Variants in CPXM1 observed in about 807,000 individuals in gnomAD.
The protein encoded by CPXM1 is carboxypeptidase X, M14 family member 1.
A neutral mutation model predicts 80.4 loss-of-function variants in CPXM1; 72 were observed. The observed-to-expected ratio is 0.90, with a 90% CI of 0.74 to 1.09. The LOEUF is 1.09. Ranked by LOEUF, CPXM1 falls within the 50% of genes least tolerant of loss-of-function variation. The pLI is 0.00. For missense variants in CPXM1, 892 were observed against 999.4 expected (o/e 0.89, Z 1.45); for synonymous variants, 403 against 405.6 (o/e 0.99, Z 0.08).
chr20:2,796,428 C>T lies in CPXM1; in HGVS notation c.1061G>A (p.Arg354His). 3 of 1,613,962 alleles carry T rather than the reference C, an allele frequency of 1.9e-6. No individual in the cohort carries two copies. The highest frequency in any genetic ancestry group is 2.2e-5 in the East Asian group (1 of 44,874). Reference sequence around the variant, plus strand: ...GTTCCCATGCATGCCAGCCACGTAGCGCACCTCAGGCTCCCCTGGGGACAC... The same window carrying T: ...GTTCCCATGCATGCCAGCCACGTAGTGCACCTCAGGCTCCCCTGGGGACAC... ...GEHELGEPEV[R>H]YVAGMHGNEA... Residue 354 changes from arginine (R) to histidine (H), a missense_variant, in exon 9 of 14, where the codon CGC (arginine) becomes CAC (histidine). Coordinates refer to ENST00000380605, the MANE Select transcript of CPXM1 (RefSeq NM_019609.5). The surrounding 1 kb of genome is among the most constrained non-coding windows in gnomAD (Gnocchi z 6.8).
Position 2,794,786 on chromosome 20 carries a change from A to G in CPXM1, c.1861-147T>C. On this transcript the variant is annotated intron_variant, in intron 12 of 13. Coordinates refer to ENST00000380605, the MANE Select transcript of CPXM1 (RefSeq NM_019609.5). This position sits in a 1 kb window ranked among gnomAD's most constrained non-coding sequence, Gnocchi z 5.2. ...GTGACACTACTTCTGGAAGAAAAAA[A>G]AAAAAGAAATCCTGATTGACAAATC... is the stretch of plus-strand genomic sequence containing the variant. 1 of 618,820 alleles carries G rather than the reference A, an allele frequency of 1.6e-6. No individual in the cohort carries two copies. Among genetic ancestry groups the G allele is most frequent in the Non-Finnish European group, 2.9e-6 (1 of 350,698 alleles). 38.3% of individuals were successfully genotyped at this position (618,820 alleles called of 1,614,324 possible).
At position 2,800,448 on chromosome 20, in the gene CPXM1, G is replaced by C. The variant is rs1330051345; in HGVS notation, c.125C>G (p.Pro42Arg). ...PGTTKVPGST[P>R]ALHSSPAQPP... ...CTGTGCCGGGCTGCTATGCAGGGCC[G>C]GGGTCGAGCCTGGGACCTTGGTGGT... is the stretch of plus-strand genomic sequence containing the variant. The change falls in exon 1 of 14, where the codon CCG (proline) becomes CGG (arginine). Residue 42 changes from proline to arginine, a missense_variant. Around this residue, in one of 2 missense-constraint regions of CPXM1, gnomAD observed 874 missense variants for 958.4 expected, o/e 0.91. Transcript: ENST00000380605. 4 of 1,507,290 alleles carry C rather than the reference G, an allele frequency of 2.7e-6. No homozygotes were observed. Among genetic ancestry groups the C allele is most frequent in the Non-Finnish European group, 2.6e-6 (3 of 1,135,550 alleles). The allele number at this position is 1,507,290 out of a possible 1,614,324, so 93.4% of individuals were successfully genotyped here. A position where few individuals can be genotyped will look rare whatever the true frequency, so the allele number is the denominator to read the frequency against.
At chr20:2,799,039 C>CA in intron 1 of CPXM1, 146 bp from the exon 2 acceptor site, 1 of 754,694 alleles carries the variant, frequency 1.3e-6, no homozygotes, top group South Asian at 1.8e-5. Context: ...CAAAGGCCTG[C>CA]AATCTGACCC....
At position 2,795,096 on chromosome 20, in the gene CPXM1, C is replaced by T. The variant is rs2088491000; in HGVS notation, c.1860+181G>A. Among the ~76,000 whole-genome samples the T allele has an allele frequency of 2.0e-5, 3 of 152,156 alleles. No homozygotes were observed. Among genetic ancestry groups the T allele is most frequent in the African/African-American group, 7.2e-5 (3 of 41,410 alleles). ...CCGGCTCTAACACGATGCCACGCTG[C>T]CAGCAAACTGCACTTCCTGTCCTGT... On this transcript the variant is annotated intron_variant, in intron 12 of 13. Coordinates refer to ENST00000380605, the MANE Select transcript of CPXM1 (RefSeq NM_019609.5). This position sits in a 1 kb window ranked among gnomAD's most constrained non-coding sequence, Gnocchi z 5.4.
rs927009117 is a variant in CPXM1, at chr20:2,794,748, A to C, written c.1861-109T>G. ...CAAACCTGAGCAAAGTGGTAGGTCTACTGTGTTCCTAGGTGACACTACTTC... is the reference window on the plus strand; with the variant it reads ...CAAACCTGAGCAAAGTGGTAGGTCTCCTGTGTTCCTAGGTGACACTACTTC... On this transcript the variant is annotated intron_variant, in intron 12 of 13. Transcript: ENST00000380605. The surrounding 1 kb of genome is among the most constrained non-coding windows in gnomAD (Gnocchi z 5.2). The C allele has an allele frequency of 9.2e-6, 7 of 764,674 alleles. No individual in the cohort carries two copies. Among genetic ancestry groups the C allele is most frequent in the Non-Finnish European group, 1.6e-5 (7 of 450,106 alleles). 47.4% of individuals were successfully genotyped at this position (764,674 alleles called of 1,614,324 possible). A position where few individuals can be genotyped will look rare whatever the true frequency, so the allele number is the denominator to read the frequency against.
Position 2,795,132 on chromosome 20 carries a change from G to C in CPXM1, c.1860+145C>G. Reference sequence around the variant, plus strand: ...CACTTCCTGTCCTGTGTGCTTCCAAGACAATCTGATACCAAGCATGGCCCA... The same window carrying C: ...CACTTCCTGTCCTGTGTGCTTCCAACACAATCTGATACCAAGCATGGCCCA... On this transcript the variant is annotated intron_variant, in intron 12 of 13. Transcript: ENST00000380605. The surrounding 1 kb of genome is among the most constrained non-coding windows in gnomAD (Gnocchi z 5.4). The C allele has an allele frequency of 9.7e-7, 1 of 1,033,354 alleles. No homozygotes were observed. Among genetic ancestry groups the C allele is most frequent in the Middle Eastern group, 3.2e-4 (1 of 3,082 alleles). 64.0% of individuals were successfully genotyped at this position (1,033,354 alleles called of 1,614,324 possible). A position where few individuals can be genotyped will look rare whatever the true frequency, so the allele number is the denominator to read the frequency against.
chr20:2,796,376 C>A lies in CPXM1; in HGVS notation c.1113G>T (p.Leu371=), dbSNP rs1204733227. The change falls in exon 9 of 14, where the codon CTG becomes CTT. Residue 371 remains leucine, a synonymous_variant. Transcript: ENST00000380605. This position sits in a 1 kb window ranked among gnomAD's most constrained non-coding sequence, Gnocchi z 6.8. ...CATGGCACAGGAACTGCATCAGGAG[C>A]AGAAGCAACTCCCGCCCCAGGGCCT... The part of the protein sequence containing the change: ...GNEALGRELL[L]LLMQFLCHEF... 1.2e-6 allele frequency: 2 copies of A among 1,614,122 alleles called. No individual in the cohort carries two copies. Among genetic ancestry groups the A allele is most frequent in the Admixed American group, 1.7e-5 (1 of 60,020 alleles).
rs544438419 is a variant in CPXM1 at position 2,794,269 on chromosome 20, C to T, written c.2126G>A (p.Arg709His). ...VLTKTPKQRL[R>H]ELLAAGAKVP... ...CTTGGCCCCAGCTGCCAGCAGCTCG[C>T]GCAGCCTCTGTTTGGGAGTCTTGGT... is the stretch of plus-strand genomic sequence containing the variant. Residue 709 changes from arginine (R) to histidine (H), a missense_variant, in exon 14 of 14, where the codon CGC becomes CAC. By Grantham distance (29) the Arg-to-His change is conservative (BLOSUM62 0). Coordinates refer to ENST00000380605, the MANE Select transcript of CPXM1 (RefSeq NM_019609.5). The surrounding 1 kb of genome is among the most constrained non-coding windows in gnomAD (Gnocchi z 5.2). The T allele has an allele frequency of 2.4e-5, 39 of 1,614,090 alleles. No homozygotes were observed. The African/African-American group carries it at 4.0e-4, about 17-fold the overall frequency.
Position 2,798,745 on chromosome 20 carries a change from G to A in CPXM1, c.321C>T (p.Pro107=), listed in dbSNP as rs778212914. 9.3e-6 allele frequency: 15 copies of A among 1,612,350 alleles called. No homozygotes were observed. The highest frequency in any genetic ancestry group is 5.5e-5 in the South Asian group (5 of 90,972). ...VTPTPAGTLD[P]AEKQETGCPP... is the part of the protein sequence containing the mutation. ...AAGTACCTGTTTCTTGTTTCTCAGC[G>A]GGGTCGAGGGTCCCTGCTGGAGTGG... The change falls in exon 2 of 14, where the codon CCC becomes CCT. Residue 107 remains proline, a synonymous_variant. Transcript: ENST00000380605.
chr20:2,797,191 C>A lies in CPXM1; in HGVS notation c.832+1G>T. 2 of 1,596,412 alleles carry A rather than the reference C, an allele frequency of 1.3e-6. No individual in the cohort carries two copies. Among genetic ancestry groups the A allele is most frequent in the African/African-American group, 1.3e-5 (1 of 74,800 alleles). On this transcript the variant is annotated splice_donor_variant, in intron 6 of 13. Coordinates refer to ENST00000380605, the MANE Select transcript of CPXM1 (RefSeq NM_019609.5). LOFTEE classifies it high-confidence loss of function. The stretch of plus-strand genomic sequence containing the variant: ...CAACCAACCCTGGCCTGACTGCCCA[C>A]CTGAGACTGGGCAGGCCAGGATCTC...
At chr20:2,798,648 G>A (rs2088535649) in intron 2 of CPXM1, 78 bp downstream of exon 2, 2 of 1,554,126 alleles carry the variant, frequency 1.3e-6, no homozygotes, top group Non-Finnish European at 1.8e-6. Context: ...GCGTGCCGGT[G>A]CCCATGAGGC....
chr20:2,798,397 G>A, intron 3 of CPXM1, 31 bp downstream of exon 3: 1 of 1,606,824 alleles, frequency 6.2e-7, no homozygotes, highest in East Asian at 2.2e-5. Context: ...TCCCTACCCT[G>A]AGACCATGGC....
Position 2,794,322 on chromosome 20 carries a change from C to G in CPXM1, c.2073G>C (p.Glu691Asp). ...GCACGAAATTGCAGGGGAAGGGGCC[C>G]TCTTCAAAGGTGACCCGACAGTTCC... ...VTRNCRVTFE[E>D]GPFPCNFVLT... Residue 691 changes from glutamate to aspartate, a missense_variant, in exon 14 of 14, where the codon GAG becomes GAC. Coordinates refer to ENST00000380605, the MANE Select transcript of CPXM1 (RefSeq NM_019609.5). This position sits in a 1 kb window ranked among gnomAD's most constrained non-coding sequence, Gnocchi z 5.2. The G allele has an allele frequency of 6.2e-7, 1 of 1,614,168 alleles. No homozygotes were observed. The highest frequency in any genetic ancestry group is 1.1e-5 in the South Asian group (1 of 91,082).
At position 2,794,423 on chromosome 20, in the gene CPXM1, C is replaced by T. The variant is rs780735684; in HGVS notation, c.1972G>A (p.Gly658Arg). ...INHDVTTAWG[G>R]DYWRLLTPGD... is the part of the protein sequence containing the mutation. ...GGGGTCAGCAGACGCCAATAATCCC[C>T]GCCCCACGCTGAGGAGAGTGAAGGG... Residue 658 changes from glycine to arginine, a missense_variant, in exon 14 of 14, where the codon GGG becomes AGG. Coordinates refer to ENST00000380605, the MANE Select transcript of CPXM1 (RefSeq NM_019609.5). The surrounding 1 kb of genome is among the most constrained non-coding windows in gnomAD (Gnocchi z 5.2). 9 of 1,614,010 alleles carry T rather than the reference C, an allele frequency of 5.6e-6. No individual in the cohort carries two copies. The highest frequency in any genetic ancestry group is 6.8e-6 in the Non-Finnish European group (8 of 1,179,926).
Position 2,795,480 on chromosome 20 carries a change from TC to T in CPXM1, c.1721-65del. The T allele has an allele frequency of 1.9e-6, 3 of 1,593,290 alleles. No homozygotes were observed. The South Asian group carries it at 3.4e-5, about 18-fold the overall frequency. ...ATGCGGTCCCATCCTCCCGCTACCC[TC>T]CCTTCTCTGAGGGACACTTCAGAGT... On this transcript the variant is annotated intron_variant, in intron 11 of 13. Transcript: ENST00000380605. This position sits in a 1 kb window ranked among gnomAD's most constrained non-coding sequence, Gnocchi z 5.4.
chr20:2,798,470 C>A lies in CPXM1; in HGVS notation c.408G>T (p.Gln136His). 6.2e-7 allele frequency: 1 copy of A among 1,614,128 alleles called. No homozygotes were observed. Among genetic ancestry groups the A allele is most frequent in the Non-Finnish European group, 8.5e-7 (1 of 1,180,002 alleles). The change falls in exon 3 of 14, where the codon CAG (glutamine) becomes CAT (histidine). Residue 136 changes from glutamine (Q) to histidine (H), a missense_variant. This residue lies in a region of CPXM1 where 874 missense variants were observed against 958.4 expected (regional missense o/e 0.91). Coordinates refer to ENST00000380605, the MANE Select transcript of CPXM1 (RefSeq NM_019609.5). Reference sequence around the variant, plus strand: ...CTCGGTGTGGTCCAAGACCAAAGGACTGGCTGCTGGATGCCTCAAGCCGGC... The same window carrying A: ...CTCGGTGTGGTCCAAGACCAAAGGAATGGCTGCTGGATGCCTCAAGCCGGC... ...SDSRLEASSSQSFGLGPHRGR... is the reference protein window; with the variant it reads ...SDSRLEASSSHSFGLGPHRGR...
At chr20:2,799,336 T>G (rs1162671696) in intron 1 of CPXM1, among the ~76,000 whole-genome samples, 2 of 152,210 alleles carry the variant, frequency 1.3e-5, no homozygotes, top group Non-Finnish European at 2.9e-5. Flanking sequence ...CTTTCTTAGC[T>G]CCAGACTCAG....
intron 1 of CPXM1, 31 bp downstream of exon 1, chr20:2,800,370 G>C (rs756441944): frequency 4.4e-5 from 65 of 1,481,958 alleles, no homozygotes; most frequent in Middle Eastern, 1.8e-4. Flanking sequence ...GTCGGCTTGC[G>C]GGGGAGCGGA....
In CPXM1 at chr20:2,796,686, GA is replaced by G. The variant is rs1300916453; in HGVS notation, c.922-37del. On this transcript the variant is annotated intron_variant, in intron 7 of 13. Transcript: ENST00000380605. This position sits in a 1 kb window ranked among gnomAD's most constrained non-coding sequence, Gnocchi z 6.8. The stretch of plus-strand genomic sequence containing the variant: ...GAGTGTAGCGTGGCATGAGGCATGG[GA>G]GGGGTACACCCAGGGGCAGATCACA... The G allele has an allele frequency of 6.2e-7, 1 of 1,611,682 alleles. No individual in the cohort carries two copies. Among genetic ancestry groups the G allele is most frequent in the African/African-American group, 1.3e-5 (1 of 74,902 alleles).
Sources: gnomAD v4.1 joint callset for allele counts (sites outside exome capture counted in the v4.1 genomes callset) on GRCh38, gnomAD v4.1.1 for gene constraint, gnomAD v4.1.1 regional missense constraint, Gnocchi (gnomAD v3.1) non-coding constraint, MANE v1.5 for transcripts, NCBI Gene and HGNC (gene_info 2026-07-23, HGNC 2026-07-21) for gene names.